Variants in FAF2 observed in about 807,000 individuals in gnomAD.
FAF2 encodes the protein FAS-associated factor 2.
Under a neutral mutation model 62.3 loss-of-function variants are expected in FAF2, and 9 were observed. The ratio of observed to expected loss-of-function variants is 0.14; its 90% CI spans 0.09 to 0.25. The LOEUF (loss-of-function observed/expected upper bound fraction) is 0.25. Among genes scored for constraint, FAF2 ranks in the 10% least tolerant of loss-of-function variants. The pLI, the probability that FAF2 is intolerant of heterozygous loss-of-function variation, is 1.00. For missense variants in FAF2, 368 were observed against 556.2 expected (o/e 0.66, Z 3.40); for synonymous variants, 202 against 198.0 (o/e 1.02, Z -0.17).
At chr5:176,484,363 T>C (rs1223125898) in intron 2 of FAF2, among the ~76,000 whole-genome samples, 1 of 152,194 alleles carries the variant, frequency 6.6e-6, no homozygotes, top group Non-Finnish European at 1.5e-5. Flanking sequence ...TCTCACTCTG[T>C]CCCATTCTAC....
chr5:176,492,888 G>A (rs1305850513), intron 5 of FAF2, among the ~76,000 whole-genome samples: 1 of 152,130 alleles, frequency 6.6e-6, no homozygotes, highest in Non-Finnish European at 1.5e-5. Context: ...CCCCTTGAAG[G>A]CAAAGCCTAC....
Position 176,509,308 on chromosome 5 carries a change from CTG to C in FAF2, c.*2362_*2363del, listed in dbSNP as rs1353059503. ...TTTTGTCACTTAATGCCAGTACAAT[CTG>C]TGTTACTCCTAAGGACTTTTGGGAT... On this transcript the variant is annotated 3_prime_UTR_variant, in exon 11 of 11. Coordinates refer to ENST00000261942, the MANE Select transcript of FAF2 (RefSeq NM_014613.3). 1 of 152,192 alleles carries C rather than the reference CTG, an allele frequency of 6.6e-6. No homozygotes were observed. The highest frequency in any genetic ancestry group is 2.4e-5 in the African/African-American group (1 of 41,448). The allele number at this position is 152,192 out of a possible 1,614,324, so 9.4% of individuals were successfully genotyped here.
chr5:176,498,525 A>T (rs1423864062), intron 8 of FAF2, among the ~76,000 whole-genome samples: 1 of 152,190 alleles, frequency 6.6e-6, no homozygotes, highest in Non-Finnish European at 1.5e-5. Flanking sequence ...GTGTGTATGG[A>T]TATATATGTG....
intron 2 of FAF2, among the ~76,000 whole-genome samples, chr5:176,485,841 G>A (rs1046535444): frequency 2.6e-5 from 4 of 152,062 alleles, no homozygotes; most frequent in Non-Finnish European, 5.9e-5. Context: ...AAAGTGTTAG[G>A]ATTACAGGTT....
At chr5:176,502,412 C>G (rs1263839932) in intron 10 of FAF2, among the ~76,000 whole-genome samples, 1 of 151,772 alleles carries the variant, frequency 6.6e-6, no homozygotes, top group East Asian at 2.0e-4. Flanking sequence ...GAAACCCTGT[C>G]TCTACTAAAA....
intron 2 of FAF2, 94 bp from the exon 3 acceptor site, chr5:176,486,261 C>A: frequency 1.3e-6 from 2 of 1,496,830 alleles, no homozygotes; most frequent in Non-Finnish European, 1.8e-6. Flanking sequence ...CATGACCATC[C>A]TGTTTTGGAA....
chr5:176,480,386 A>AT (rs895915709), intron 2 of FAF2, among the ~76,000 whole-genome samples: 1 of 151,806 alleles, frequency 6.6e-6, no homozygotes, highest in Non-Finnish European at 1.5e-5. Flanking sequence ...CTCTGGCATT[A>AT]TATTAGTGAA....
In FAF2 at chr5:176,494,338, A is replaced by C; in HGVS notation, c.661+63A>C. On this transcript the variant is annotated intron_variant, in intron 7 of 10. Transcript: ENST00000261942. This position sits in a 1 kb window ranked among gnomAD's most constrained non-coding sequence, Gnocchi z 4.0. The stretch of plus-strand genomic sequence containing the variant: ...AGTATCTTTGGAATAGTCTGGAAAG[A>C]CATGCCATGCCATTTATTACAAGTG... 1 of 1,322,504 alleles carries C rather than the reference A, an allele frequency of 7.6e-7. No individual in the cohort carries two copies. The highest frequency in any genetic ancestry group is 1.1e-6 in the Non-Finnish European group (1 of 915,610). 81.9% of individuals were successfully genotyped at this position (1,322,504 alleles called of 1,614,324 possible).
intron 3 of FAF2, among the ~76,000 whole-genome samples, chr5:176,487,793 T>TAGTG: frequency 6.6e-6 from 1 of 152,176 alleles, no homozygotes; most frequent in South Asian, 2.1e-4. Context: ...AGGTTAGTAA[T>TAGTG]AGTGATTATC....
At chr5:176,493,876 A>C in intron 5 of FAF2, 123 bp from the exon 6 acceptor site, 1 of 661,942 alleles carries the variant, frequency 1.5e-6, no homozygotes, top group Admixed American at 2.9e-5. Context: ...TTTCTTGCTC[A>C]CCTTTTTTCC....
chr5:176,454,577 GAAAAAAA>G (rs56324116), intron 1 of FAF2, among the ~76,000 whole-genome samples: 75 of 95,280 alleles, frequency 7.9e-4, no homozygotes, highest in African/African-American at 2.5e-3. Context: ...GATTCTGTCT[GAAAAAAA>G]AAAAAAAAAA....
chr5:176,464,289 G>T (rs572911732), intron 1 of FAF2, among the ~76,000 whole-genome samples: 25 of 151,842 alleles, frequency 1.6e-4, no homozygotes, highest in East Asian at 1.4e-3. Flanking sequence ...ATTGTGGGGG[G>T]TTTTTTTGGA....
chr5:176,473,215 C>G (rs919693401), intron 1 of FAF2, among the ~76,000 whole-genome samples: 4 of 152,150 alleles, frequency 2.6e-5, no homozygotes, highest in Non-Finnish European at 4.4e-5. Context: ...ATCTTAGGTT[C>G]CTCTGGGCTG....
intron 1 of FAF2, among the ~76,000 whole-genome samples, chr5:176,463,731 T>G (rs912002795): frequency 6.6e-6 from 1 of 151,744 alleles, no homozygotes; most frequent in East Asian, 1.9e-4. Context: ...CATGTTTTTT[T>G]TTTTTTTTTT....
chr5:176,492,513 T>C (rs889644356), intron 5 of FAF2, among the ~76,000 whole-genome samples, 181 bp downstream of exon 5: 1 of 152,246 alleles, frequency 6.6e-6, no homozygotes, highest in Non-Finnish European at 1.5e-5. Context: ...TTTGATCTAA[T>C]GCTGCCCTTC....
intron 1 of FAF2, among the ~76,000 whole-genome samples, chr5:176,470,471 G>A (rs1189749251): frequency 2.0e-5 from 3 of 152,276 alleles, no homozygotes; most frequent in Non-Finnish European, 4.4e-5. Context: ...CAGCTACGCG[G>A]GAGGCTGAGG....
rs1396592531 is a variant in FAF2, at chr5:176,498,815, A to G, written c.840-99A>G. On this transcript the variant is annotated intron_variant, in intron 8 of 10. Coordinates refer to ENST00000261942, the MANE Select transcript of FAF2 (RefSeq NM_014613.3). ...ATCGTCATCTGCTAAGAATATCAAC[A>G]TTTTTACACACACACACACACAGAA... 4.3e-6 allele frequency: 5 copies of G among 1,156,856 alleles called. No homozygotes were observed. In the East Asian group the frequency reaches 7.8e-5, roughly 18 times the overall value. The allele number at this position is 1,156,856 out of a possible 1,614,324, so 71.7% of individuals were successfully genotyped here.
intron 1 of FAF2, among the ~76,000 whole-genome samples, chr5:176,471,764 G>A (rs906000415): frequency 5.6e-5 from 8 of 143,072 alleles, no homozygotes; most frequent in Non-Finnish European, 1.1e-4. Context: ...TTGGCTCACC[G>A]CAACCACCTC....
At chr5:176,501,166 A>T (rs543942354) in intron 10 of FAF2, among the ~76,000 whole-genome samples, 2 of 152,242 alleles carry the variant, frequency 1.3e-5, no homozygotes, top group East Asian at 3.9e-4. Flanking sequence ...CCCTAGTAGG[A>T]TTGTTGTTAG....
Sources: gnomAD v4.1 joint callset for allele counts (sites outside exome capture counted in the v4.1 genomes callset) on GRCh38, gnomAD v4.1.1 for gene constraint, Gnocchi (gnomAD v3.1) non-coding constraint, MANE v1.5 for transcripts, NCBI Gene and HGNC (gene_info 2026-07-23, HGNC 2026-07-21) for gene names.